The following DLG2 variants were observed in gnomAD, a reference collection of about 807,000 sequenced individuals.
DLG2 encodes the protein disks large homolog 2.
Under a neutral mutation model 132.5 loss-of-function variants are expected in DLG2, and 45 were observed. That is an observed-to-expected ratio of 0.34 (90% confidence interval 0.27 to 0.44). The LOEUF (loss-of-function observed/expected upper bound fraction) is 0.44. Ranked by LOEUF, DLG2 falls within the 20% of genes least tolerant of loss-of-function variation. The probability of loss-of-function intolerance (pLI) is 1.00; values close to 1 mark genes in which losing one functional copy is unlikely to be tolerated. For missense variants in DLG2, 1,045 were observed against 1,196.9 expected (o/e 0.87, Z 1.87); for synonymous variants, 424 against 419.6 (o/e 1.01, Z -0.13).
intron 6 of DLG2, among the ~76,000 whole-genome samples, chr11:84,690,115 G>C (rs1238747050): frequency 6.6e-6 from 1 of 151,852 alleles, no homozygotes; most frequent in Non-Finnish European, 1.5e-5. Context: ...GTCGGGATGG[G>C]GTTGGGGGTA....
intron 6 of DLG2, among the ~76,000 whole-genome samples, chr11:84,755,231 C>T (rs762126120): frequency 1.3e-5 from 2 of 152,150 alleles, no homozygotes; most frequent in African/African-American, 2.4e-5. Context: ...AAAATATTAA[C>T]CCAAGTACGT....
At chr11:83,651,177 T>C (rs1166123376) in intron 18 of DLG2, among the ~76,000 whole-genome samples, 1 of 152,138 alleles carries the variant, frequency 6.6e-6, no homozygotes, top group East Asian at 1.9e-4. Flanking sequence ...TAGTACATAA[T>C]AGGTACTCAA....
At chr11:83,849,311 A>G in intron 16 of DLG2, among the ~76,000 whole-genome samples, 2 of 144,310 alleles carry the variant, frequency 1.4e-5, no homozygotes, top group Admixed American at 1.4e-4. Flanking sequence ...ATATAAATAA[A>G]TAATATATAT....
intron 3 of DLG2, among the ~76,000 whole-genome samples, chr11:85,426,862 G>A (rs2090786676): frequency 6.6e-6 from 1 of 152,064 alleles, no homozygotes; most frequent in Non-Finnish European, 1.5e-5. Context: ...CCATGGCAAA[G>A]TAGTTAAAAA....
chr11:84,959,813 G>T (rs895986225), intron 6 of DLG2, among the ~76,000 whole-genome samples: 2 of 152,072 alleles, frequency 1.3e-5, no homozygotes, highest in Non-Finnish European at 2.9e-5. Flanking sequence ...TATATAGAAA[G>T]ATATGAGTTG....
Position 84,784,825 on chromosome 11 carries a change from T to C in DLG2, c.358-250094A>G, listed in dbSNP as rs181220072. Among the ~76,000 whole-genome samples the C allele has an allele frequency of 3.3e-5, 5 of 152,138 alleles. No homozygotes were observed. The East Asian group carries it at 5.8e-4, about 18-fold the overall frequency. ...TGATGTGGTGGCCGTTGGGGAGATG[T>C]TGGTCAAAGTATAAAAAATTTCAGA... is the stretch of plus-strand genomic sequence containing the variant. On this transcript the variant is annotated intron_variant, in intron 6 of 27. Transcript: ENST00000376104.
chr11:84,513,519 C>A (rs1264384280), intron 7 of DLG2, among the ~76,000 whole-genome samples: 1 of 151,940 alleles, frequency 6.6e-6, no homozygotes. Context: ...ACAGAGAACC[C>A]AGAAACAAAT....
At chr11:83,600,101 G>A (rs1003127450) in intron 19 of DLG2, among the ~76,000 whole-genome samples, 2 of 152,132 alleles carry the variant, frequency 1.3e-5, no homozygotes, top group Admixed American at 6.6e-5. Context: ...TAAAGGCATG[G>A]TCAACAAGGC....
In DLG2 at chr11:85,377,330, C is replaced by G. The variant is rs1009365642; in HGVS notation, c.41-91965G>C. 5.9e-5 allele frequency among the ~76,000 whole-genome samples: 9 copies of G among 152,238 alleles called. 1 individual carries two copies. The highest frequency in any genetic ancestry group is 2.2e-4 in the African/African-American group (9 of 41,536). On this transcript the variant is annotated intron_variant, in intron 3 of 27. Coordinates refer to ENST00000376104, the MANE Select transcript of DLG2 (RefSeq NM_001142699.3). ...GCATACCAGGTTTTAAGGCCTCAGT[C>G]AACCTACCTGTGTGAACTTGGGCAA...
intron 3 of DLG2, among the ~76,000 whole-genome samples, chr11:85,548,293 G>C (rs899969924): frequency 6.6e-6 from 1 of 152,204 alleles, no homozygotes; most frequent in Non-Finnish European, 1.5e-5. Context: ...TCCAGACCCT[G>C]TTTGCCTGGG....
chr11:85,060,479 G>GTA (rs150765698), intron 6 of DLG2, among the ~76,000 whole-genome samples: 5,893 of 149,228 alleles, frequency 0.039, 158 homozygotes, highest in African/African-American at 0.073. Flanking sequence ...ATATATATGT[G>GTA]TATATATATA....
rs553119616 is a variant in DLG2 at position 85,502,355 on chromosome 11, G to A, written c.40+96302C>T. ...TGGGTGCAGCAAACCACCACGACAC[G>A]ACACGTGTATACCTGTGTAACAAAA... On this transcript the variant is annotated intron_variant, in intron 3 of 27. Transcript: ENST00000376104. Among the ~76,000 whole-genome samples, 19 of 151,474 alleles carry A rather than the reference G, an allele frequency of 1.3e-4. 1 individual carries two copies. The highest frequency in any genetic ancestry group is 4.2e-4 in the South Asian group (2 of 4,790).
intron 6 of DLG2, among the ~76,000 whole-genome samples, chr11:84,664,110 T>C (rs1595207500): frequency 6.6e-6 from 1 of 152,204 alleles, no homozygotes; most frequent in East Asian, 1.9e-4. Flanking sequence ...GGCAGGCACA[T>C]TTCCATGAAA....
At chr11:83,788,030 A>G (rs968487412) in intron 17 of DLG2, among the ~76,000 whole-genome samples, 21 of 152,222 alleles carry the variant, frequency 1.4e-4, no homozygotes, top group African/African-American at 4.8e-4. Context: ...CAAAAAACTA[A>G]CTTTTTGCAG....
At chr11:85,180,920 C>T (rs562020905) in intron 4 of DLG2, among the ~76,000 whole-genome samples, 66 of 151,802 alleles carry the variant, frequency 4.3e-4, no homozygotes, top group Non-Finnish European at 7.2e-4. Flanking sequence ...AAGGTAGAGC[C>T]AGTATTCTAA....
intron 3 of DLG2, among the ~76,000 whole-genome samples, chr11:85,541,165 C>A (rs189457784): frequency 1.4e-4 from 21 of 152,244 alleles, no homozygotes; most frequent in Middle Eastern, 3.4e-3. Context: ...GGACTTTTAA[C>A]TTTACCCTGT....
rs1354601396 is a variant in DLG2, at chr11:83,756,382, A to G, written c.1825+30308T>C. Among the ~76,000 whole-genome samples the G allele has an allele frequency of 2.0e-5, 3 of 151,442 alleles. 1 individual carries two copies. Among genetic ancestry groups the G allele is most frequent in the African/African-American group, 4.9e-5 (2 of 40,750 alleles). ...AAGATTGCCAAATGCATTTATTTTTACTGTGCTTTAAAAGACTGAGATATA... is the reference window on the plus strand; with the variant it reads ...AAGATTGCCAAATGCATTTATTTTTGCTGTGCTTTAAAAGACTGAGATATA... On this transcript the variant is annotated intron_variant, in intron 18 of 27. Transcript: ENST00000376104.
At chr11:84,627,124 G>A (rs2099624195) in intron 6 of DLG2, among the ~76,000 whole-genome samples, 2 of 152,016 alleles carry the variant, frequency 1.3e-5, no homozygotes, top group African/African-American at 4.8e-5. Flanking sequence ...GCCTGCCTCA[G>A]CCTCCTAAAG....
At chr11:85,210,122 T>C (rs1183027939) in intron 4 of DLG2, among the ~76,000 whole-genome samples, 1 of 152,182 alleles carries the variant, frequency 6.6e-6, no homozygotes, top group Non-Finnish European at 1.5e-5. Flanking sequence ...ATTTATCTTG[T>C]TGATCATCTG....
Sources: allele counts gnomAD v4.1 joint callset (sites outside exome capture counted in the v4.1 genomes callset), GRCh38; gene constraint gnomAD v4.1.1; transcripts MANE v1.5; gene names NCBI Gene and HGNC (gene_info 2026-07-23, HGNC 2026-07-21).